Variants in LGR5 observed in about 807,000 individuals in gnomAD.
The protein encoded by LGR5 is leucine-rich repeat-containing G protein-coupled receptor 5.
In LGR5, 54 loss-of-function variants were observed where a neutral mutation model predicts 76.7. The ratio of observed to expected loss-of-function variants is 0.70; its 90% CI spans 0.57 to 0.88. The LOEUF is 0.88. LGR5 is among the 40% of genes least tolerant of loss of function. LGR5 has a pLI of 0.00. For synonymous variants in LGR5, 406 were observed against 421.9 expected, an observed-to-expected ratio of 0.96 and a Z score of 0.46; for missense variants, 1,078 against 1,073.3, an observed-to-expected ratio of 1.00 and a Z score of -0.06.
At chr12:71,473,926 T>G (rs1329402498) in intron 1 of LGR5, among the ~76,000 whole-genome samples, 1 of 152,130 alleles carries the variant, frequency 6.6e-6, no homozygotes, top group African/African-American at 2.4e-5. Context: ...TCAGTCTTCT[T>G]GCAACTTCAG....
Position 71,535,161 on chromosome 12 carries a change from C to A in LGR5, c.403C>A (p.Gln135Lys), listed in dbSNP as rs1229455364. 1 of 1,611,318 alleles carries A rather than the reference C, an allele frequency of 6.2e-7. No homozygotes were observed. The highest frequency in any genetic ancestry group is 2.2e-5 in the East Asian group (1 of 44,838). The change falls in exon 4 of 18, where the codon CAG (glutamine) becomes AAG (lysine). Residue 135 changes from glutamine (Q) to lysine (K), a missense_variant. Coordinates refer to ENST00000266674, the MANE Select transcript of LGR5 (RefSeq NM_003667.4). ...AAGACACGTACCCACAGAAGCTCTG[C>A]AGAATTTGCGAAGCCTTCAATCCCT... ...QLRHVPTEAL[Q>K]NLRSLQSLRL...
At chr12:71,556,743 T>G in intron 6 of LGR5, 53 bp downstream of exon 6, 4 of 1,389,454 alleles carry the variant, frequency 2.9e-6, no homozygotes. Flanking sequence ...ATGAATATTC[T>G]GAAGAATCAA....
intron 4 of LGR5, among the ~76,000 whole-genome samples, 194 bp downstream of exon 4, chr12:71,535,380 T>A (rs1338566226): frequency 6.6e-6 from 1 of 152,134 alleles, no homozygotes; most frequent in Non-Finnish European, 1.5e-5. Flanking sequence ...GTGTTGGAGT[T>A]TGGGGTTTTA....
chr12:71,576,518 C>A (rs1448533000), intron 13 of LGR5, among the ~76,000 whole-genome samples: 1 of 152,070 alleles, frequency 6.6e-6, no homozygotes, highest in African/African-American at 2.4e-5. Context: ...GGGGCTTCTC[C>A]TGAGAAAACA....
intron 1 of LGR5, among the ~76,000 whole-genome samples, chr12:71,487,621 C>T (rs951692323): frequency 6.6e-6 from 1 of 152,190 alleles, no homozygotes; most frequent in Non-Finnish European, 1.5e-5. Flanking sequence ...CTTTGTTGCC[C>T]AGGCTCATCT....
chr12:71,447,709 G>A (rs1872065988), intron 1 of LGR5, among the ~76,000 whole-genome samples: 1 of 152,176 alleles, frequency 6.6e-6, no homozygotes, highest in African/African-American at 2.4e-5. Context: ...AATTCCCTTT[G>A]TGCCACTTGC....
chr12:71,477,657 G>A (rs1221576569), intron 1 of LGR5, among the ~76,000 whole-genome samples: 1 of 152,022 alleles, frequency 6.6e-6, no homozygotes, highest in Non-Finnish European at 1.5e-5. Flanking sequence ...TCTTACTGCT[G>A]ATAATGTAGT....
At chr12:71,537,897 C>G (rs751368407) in intron 4 of LGR5, among the ~76,000 whole-genome samples, 1 of 152,076 alleles carries the variant, frequency 6.6e-6, no homozygotes, top group African/African-American at 2.4e-5. Context: ...TGGAGTCAAC[C>G]CTTAGATCTT....
chr12:71,548,815 TACACACACAC>T (rs71068775), intron 4 of LGR5, among the ~76,000 whole-genome samples: 7,731 of 148,586 alleles, frequency 0.052, 247 homozygotes, highest in Non-Finnish European at 0.073. Context: ...CTAAGGTGCC[TACACACACAC>T]ACACACACAC....
intron 2 of LGR5, among the ~76,000 whole-genome samples, chr12:71,506,981 A>G (rs941937297): frequency 1.3e-5 from 2 of 152,116 alleles, no homozygotes; most frequent in Non-Finnish European, 2.9e-5. Flanking sequence ...GCTTAAGTCT[A>G]TATTCTCTTT....
chr12:71,521,745 T>G (rs966293357), intron 2 of LGR5, among the ~76,000 whole-genome samples: 3 of 152,196 alleles, frequency 2.0e-5, no homozygotes, highest in Non-Finnish European at 2.9e-5. Flanking sequence ...AACTGATTAG[T>G]CAGGCACTAC....
chr12:71,578,744 T>G, intron 14 of LGR5, 60 bp from the exon 15 acceptor site: 1 of 1,480,112 alleles, frequency 6.8e-7, no homozygotes, highest in Non-Finnish European at 9.0e-7. Context: ...TTGTTTTTTT[T>G]AACATAAACG....
At chr12:71,533,452 A>C (rs934786755) in intron 3 of LGR5, among the ~76,000 whole-genome samples, 2 of 152,200 alleles carry the variant, frequency 1.3e-5, no homozygotes, top group African/African-American at 4.8e-5. Context: ...GTCACCTGAG[A>C]GCTTGTTACA....
chr12:71,507,733 T>TTCTCTC (rs151033755), intron 2 of LGR5, among the ~76,000 whole-genome samples: 1 of 150,092 alleles, frequency 6.7e-6, no homozygotes, highest in Non-Finnish European at 1.5e-5. Context: ...AACTCTCTCT[T>TTCTCTC]TCTCTCTCTC....
chr12:71,475,489 C>T (rs1178972703), intron 1 of LGR5, among the ~76,000 whole-genome samples: 1 of 152,106 alleles, frequency 6.6e-6, no homozygotes, highest in Non-Finnish European at 1.5e-5. Context: ...GCTGTTGATG[C>T]TTTTCAGGCC....
chr12:71,574,461 C>T (rs574729204), intron 13 of LGR5, among the ~76,000 whole-genome samples: 3 of 152,194 alleles, frequency 2.0e-5, no homozygotes, highest in Admixed American at 2.0e-4. Flanking sequence ...TTCATCCTCT[C>T]CACTCCTCTA....
intron 1 of LGR5, among the ~76,000 whole-genome samples, chr12:71,450,608 C>A (rs908358165): frequency 1.3e-5 from 2 of 152,166 alleles, no homozygotes; most frequent in African/African-American, 4.8e-5. Flanking sequence ...CAGGCCCAGC[C>A]TCTGTTCATA....
Position 71,578,828 on chromosome 12 carries a change from G to T in LGR5, c.1305G>T (p.Ser435=). 1 of 1,609,290 alleles carries T rather than the reference G, an allele frequency of 6.2e-7. No homozygotes were observed. Among genetic ancestry groups the T allele is most frequent in the Non-Finnish European group, 8.5e-7 (1 of 1,177,380 alleles). The change falls in exon 15 of 18, where the codon TCG becomes TCT. Residue 435 remains serine (S), a synonymous_variant. Transcript: ENST00000266674. ...GGGACCTATCGTCCAACCTCCTGTC[G>T]TCTTTTCCTATAACTGGGTTACATG... ...IKLDLSSNLL[S]SFPITGLHGL...
At chr12:71,559,469 G>A in intron 6 of LGR5, 117 bp from the exon 7 acceptor site, 2 of 593,594 alleles carry the variant, frequency 3.4e-6, no homozygotes, top group South Asian at 4.5e-5. Flanking sequence ...AAGAAAAGCA[G>A]TGAGAACTTC....
Sources: allele counts gnomAD v4.1 joint callset (sites outside exome capture counted in the v4.1 genomes callset), GRCh38; gene constraint gnomAD v4.1.1; transcripts MANE v1.5; gene names NCBI Gene and HGNC (gene_info 2026-07-23, HGNC 2026-07-21).